Variants in NRXN2 observed in about 807,000 individuals in gnomAD.
NRXN2 encodes the protein neurexin 2, also known as neurexin-2-beta.
A neutral mutation model predicts 128.8 loss-of-function variants in NRXN2; 29 were observed. The observed-to-expected ratio is 0.23, with a 90% CI of 0.17 to 0.31. The LOEUF (loss-of-function observed/expected upper bound fraction) is 0.31. Ranked by LOEUF, NRXN2 falls within the 10% of genes least tolerant of loss-of-function variation. NRXN2 has a pLI of 1.00. For synonymous variants in NRXN2, 1,098 were observed against 1,075.2 expected, an observed-to-expected ratio of 1.02 and a Z score of -0.41; for missense variants, 1,881 against 2,452.6, an observed-to-expected ratio of 0.77 and a Z score of 4.92.
intron 12 of NRXN2, 109 bp from the exon 13 acceptor site, chr11:64,652,263 A>G (rs756586660): frequency 7.2e-7 from 1 of 1,379,478 alleles, no homozygotes; most frequent in Non-Finnish European, 9.9e-7. Context: ...CATGCCACAC[A>G]TGAACACATA....
At chr11:64,675,157 G>T (rs1439659401) in intron 7 of NRXN2, 1 of 152,268 alleles carries the variant, frequency 6.6e-6, no homozygotes, top group Non-Finnish European at 1.5e-5. Context: ...GTACTCAATG[G>T]CTTGGCCTGA....
chr11:64,634,318 G>C (rs182476056), intron 18 of NRXN2, among the ~76,000 whole-genome samples: 1 of 152,114 alleles, frequency 6.6e-6, no homozygotes, highest in East Asian at 1.9e-4. Context: ...GCAAAGGCTC[G>C]GGATTGAGGA....
At chr11:64,620,002 T>C (rs541363147) in intron 22 of NRXN2, among the ~76,000 whole-genome samples, 1 of 152,274 alleles carries the variant, frequency 6.6e-6, no homozygotes, top group South Asian at 2.1e-4. Flanking sequence ...GAGCTGCAGT[T>C]ACTCATCCTC....
chr11:64,651,248 C>T lies in NRXN2; in HGVS notation c.2918+7G>A. 1.2e-6 allele frequency: 2 copies of T among 1,613,984 alleles called. No individual in the cohort carries two copies. The highest frequency in any genetic ancestry group is 2.2e-5 in the South Asian group (2 of 91,072). ...CCTTGACAGCAGTGCAATCCCCAGC[C>T]CCTCACCCCTTGACCAGCTCGATGA... On this transcript the variant is annotated splice_region_variant and intron_variant, in intron 14 of 22. Coordinates refer to ENST00000265459, the MANE Select transcript of NRXN2 (RefSeq NM_015080.4). This position sits in a 1 kb window ranked among gnomAD's most constrained non-coding sequence, Gnocchi z 5.9.
intron 17 of NRXN2, among the ~76,000 whole-genome samples, chr11:64,645,299 G>C (rs1391825123): frequency 6.6e-6 from 1 of 152,144 alleles, no homozygotes; most frequent in Non-Finnish European, 1.5e-5. Context: ...CAATACCAGT[G>C]AGTGGGAACT....
chr11:64,650,133 C>T (rs551039941), intron 15 of NRXN2, among the ~76,000 whole-genome samples: 1 of 152,078 alleles, frequency 6.6e-6, no homozygotes, highest in African/African-American at 2.4e-5. Context: ...CCAACATAGG[C>T]TTCTCAACCT....
chr11:64,696,871 AG>A (rs1344690190), intron 3 of NRXN2, among the ~76,000 whole-genome samples: 2 of 152,218 alleles, frequency 1.3e-5, no homozygotes, highest in East Asian at 3.8e-4. Context: ...CCTTCAAGCC[AG>A]GACTACCTTC....
At chr11:64,671,755 GA>G (rs1565370175) in intron 7 of NRXN2, among the ~76,000 whole-genome samples, 2 of 151,500 alleles carry the variant, frequency 1.3e-5, no homozygotes, top group African/African-American at 4.8e-5. Flanking sequence ...ATGATGGGGG[GA>G]AAGAGAGAGG....
chr11:64,606,955 T>G lies in NRXN2; in HGVS notation c.*241A>C, dbSNP rs958798751. 6.3e-5 allele frequency: 35 copies of G among 556,708 alleles called. 1 individual carries two copies. The Admixed American group carries it at 8.9e-4, about 14-fold the overall frequency. The allele number at this position is 556,708 out of a possible 1,614,324, so 34.5% of individuals were successfully genotyped here. A position where few individuals can be genotyped will look rare whatever the true frequency, so the allele number is the denominator to read the frequency against. Reference sequence around the variant, plus strand: ...CAGGGCTGTGAGCACGTGCCCTGCCTGGCAGGCGCAGAGCTGAGAGGGACA... The same window carrying G: ...CAGGGCTGTGAGCACGTGCCCTGCCGGGCAGGCGCAGAGCTGAGAGGGACA... On this transcript the variant is annotated 3_prime_UTR_variant, in exon 23 of 23. Transcript: ENST00000265459.
intron 4 of NRXN2, among the ~76,000 whole-genome samples, chr11:64,691,396 C>A (rs1178740340): frequency 6.6e-6 from 1 of 152,210 alleles, no homozygotes; most frequent in Non-Finnish European, 1.5e-5. Flanking sequence ...CCACCTCTCC[C>A]CGCTCCAGTG....
chr11:64,688,768 G>C (rs519090), intron 5 of NRXN2: 655,283 of 984,964 alleles, frequency 0.67, 228,954 homozygotes, highest in Non-Finnish European at 0.71. Flanking sequence ...TAGTTGTTGT[G>C]GTCCTGCATT....
At chr11:64,688,234 T>G (rs1232348742) in intron 5 of NRXN2, 2 of 946,558 alleles carry the variant, frequency 2.1e-6, no homozygotes, top group Non-Finnish European at 2.5e-6. Flanking sequence ...TCTCCTGGGG[T>G]GGGTGGCAAA....
chr11:64,618,578 T>A (rs2041874929), intron 22 of NRXN2, among the ~76,000 whole-genome samples: 1 of 152,174 alleles, frequency 6.6e-6, no homozygotes, highest in Non-Finnish European at 1.5e-5. Context: ...AATAAACGCC[T>A]AGAGCTCAGA....
chr11:64,614,581 T>C (rs975779409), intron 22 of NRXN2, among the ~76,000 whole-genome samples: 4 of 152,106 alleles, frequency 2.6e-5, no homozygotes, highest in Admixed American at 2.0e-4. Context: ...GAGCAGAATC[T>C]CTCCCAGGGT....
At chr11:64,696,458 C>T (rs1001718964) in intron 3 of NRXN2, among the ~76,000 whole-genome samples, 1 of 151,992 alleles carries the variant, frequency 6.6e-6, no homozygotes, top group African/African-American at 2.4e-5. Context: ...GGCGTGCACA[C>T]AGACACACAG....
In NRXN2 at chr11:64,635,088, TGA is replaced by T. The variant is rs1274643967; in HGVS notation, c.3585+181_3585+182del. Among the ~76,000 whole-genome samples, 1 of 152,050 alleles carries T rather than the reference TGA, an allele frequency of 6.6e-6. No homozygotes were observed. Among genetic ancestry groups the T allele is most frequent in the Non-Finnish European group, 1.5e-5 (1 of 68,006 alleles). On this transcript the variant is annotated intron_variant, in intron 18 of 22. Coordinates refer to ENST00000265459, the MANE Select transcript of NRXN2 (RefSeq NM_015080.4). The surrounding 1 kb of genome is among the most constrained non-coding windows in gnomAD (Gnocchi z 4.8). ...GGATCTGGGAGTCTTGGTGAATAAC[TGA>T]GAGAGGGAAGGGTCTCAGAAGCAGA...
chr11:64,607,575 G>A lies in NRXN2; in HGVS notation c.4760C>T (p.Ser1587Phe), dbSNP rs1247317575. Residue 1587 changes from serine to phenylalanine, a missense_variant, in exon 23 of 23, where the codon TCC becomes TTC. Physicochemically the swap from Ser to Phe is radical, Grantham distance 155. Transcript: ENST00000265459. ...NPPLGPGAPT[S>F]FEPRRPPPLR... ...GGGAGGGGGCCTCCGCGGCTCAAAG[G>A]ACGTGGGGGCCCCGGGCCCCAAGGG... is the stretch of plus-strand genomic sequence containing the variant. 1 of 1,537,192 alleles carries A rather than the reference G, an allele frequency of 6.5e-7. No individual in the cohort carries two copies. The highest frequency in any genetic ancestry group is 8.7e-7 in the Non-Finnish European group (1 of 1,145,674).
chr11:64,694,103 A>G (rs1287394880), intron 3 of NRXN2, among the ~76,000 whole-genome samples: 1 of 152,138 alleles, frequency 6.6e-6, no homozygotes, highest in Non-Finnish European at 1.5e-5. Context: ...GCTCTCTCCT[A>G]GAGAGGCTGG....
chr11:64,699,190 A>G (rs2135612066), intron 2 of NRXN2, among the ~76,000 whole-genome samples: 1 of 152,240 alleles, frequency 6.6e-6, no homozygotes, highest in African/African-American at 2.4e-5. Flanking sequence ...GCAAGCACCA[A>G]TACCTACACA....
Sources: allele counts gnomAD v4.1 joint callset (sites outside exome capture counted in the v4.1 genomes callset), GRCh38; gene constraint gnomAD v4.1.1; non-coding constraint Gnocchi (gnomAD v3.1); transcripts MANE v1.5; gene names NCBI Gene and HGNC (gene_info 2026-07-23, HGNC 2026-07-21).